SLC4A8: variants seen among roughly 807,000 people sequenced by gnomAD.
SLC4A8 encodes the protein electroneutral sodium bicarbonate exchanger 1.
In SLC4A8, 40 loss-of-function variants were observed where a neutral mutation model predicts 125.0. The ratio of observed to expected loss-of-function variants is 0.32; its 90% CI spans 0.25 to 0.42. The LOEUF is 0.42. Among genes scored for constraint, SLC4A8 ranks in the 10% least tolerant of loss-of-function variants. The pLI is 1.00. For synonymous variants in SLC4A8, 456 were observed against 476.0 expected (o/e 0.96, Z 0.55); for missense variants, 863 against 1,355.1 (o/e 0.64, Z 5.70).
rs1949955622 is a variant in SLC4A8 at position 51,451,157 on chromosome 12, A to G, written c.277+135A>G. On this transcript the variant is annotated intron_variant, in intron 3 of 24. Transcript: ENST00000453097. ...AGGATTTCCAAAGCTTGCTTCTAAG[A>G]AGAAATGCCTCTAAGAGTCAAAAAT... is the stretch of plus-strand genomic sequence containing the variant. The G allele has an allele frequency of 1.1e-5, 9 of 846,690 alleles. No individual in the cohort carries two copies. In the East Asian group the frequency reaches 2.9e-4, roughly 27 times the overall value. The allele number at this position is 846,690 out of a possible 1,614,324, so 52.4% of individuals were successfully genotyped here. A position where few individuals can be genotyped will look rare whatever the true frequency, so the allele number is the denominator to read the frequency against.
At chr12:51,404,918 A>G (rs960535802) in intron 1 of SLC4A8, among the ~76,000 whole-genome samples, 1 of 152,054 alleles carries the variant, frequency 6.6e-6, no homozygotes, top group Non-Finnish European at 1.5e-5. Flanking sequence ...CTTTCAACCA[A>G]AAGAATCTGA....
chr12:51,482,023 G>A (rs1951045490), intron 16 of SLC4A8, among the ~76,000 whole-genome samples: 1 of 152,148 alleles, frequency 6.6e-6, no homozygotes, highest in Non-Finnish European at 1.5e-5. Context: ...CCTGCACAGT[G>A]TCACAGAGAT....
In SLC4A8 at chr12:51,470,434, G is replaced by A. The variant is rs918866738; in HGVS notation, c.1567G>A (p.Ala523Thr). The change falls in exon 13 of 25, where the codon GCT (alanine) becomes ACT (threonine). Residue 523 changes from alanine (A) to threonine (T), a missense_variant. Transcript: ENST00000453097. Reference protein sequence around the residue: ...SLFGASMTGIAYSLFAGQALT... With the variant: ...SLFGASMTGITYSLFAGQALT... The stretch of plus-strand genomic sequence containing the variant: ...GTTTGGAGCTTCCATGACTGGGATT[G>A]CTTATTCCTTGTTTGCGGGACAGGC... 1 of 1,613,850 alleles carries A rather than the reference G, an allele frequency of 6.2e-7. No homozygotes were observed. The highest frequency in any genetic ancestry group is 1.1e-5 in the South Asian group (1 of 91,072).
chr12:51,471,190 G>A, intron 13 of SLC4A8, 97 bp from the exon 14 acceptor site: 1 of 1,168,698 alleles, frequency 8.6e-7, no homozygotes, highest in Non-Finnish European at 1.2e-6. Flanking sequence ...CTGGGTTCCA[G>A]TGCTTGTTTA....
At chr12:51,465,457 A>G (rs1202460523) in intron 11 of SLC4A8, among the ~76,000 whole-genome samples, 1 of 152,206 alleles carries the variant, frequency 6.6e-6, no homozygotes, top group Non-Finnish European at 1.5e-5. Flanking sequence ...GGATCTCAAC[A>G]GTTATAAGAT....
chr12:51,397,272 A>G (rs1346326851), intron 1 of SLC4A8, among the ~76,000 whole-genome samples: 3 of 152,208 alleles, frequency 2.0e-5, no homozygotes, highest in African/African-American at 7.2e-5. Context: ...TCACTTGGTC[A>G]AGGGAAACTG....
Position 51,400,846 on chromosome 12 carries a change from T to G in SLC4A8, c.-112+9358T>G, listed in dbSNP as rs539853918. ...TATATACGTATATAAACATATATGT[T>G]TATATACGTATATAAACATATATAT... On this transcript the variant is annotated intron_variant, in intron 1 of 24. Coordinates refer to the SLC4A8 transcript ENST00000358657. Among the ~76,000 whole-genome samples the G allele has an allele frequency of 1.1e-3, 138 of 126,250 alleles. 1 individual carries two copies. Among genetic ancestry groups the G allele is most frequent in the African/African-American group, 3.7e-3 (117 of 31,274 alleles). The allele number at this position is 126,250 out of a possible 152,430, so 82.8% of individuals were successfully genotyped here. A position where few individuals can be genotyped will look rare whatever the true frequency, so the allele number is the denominator to read the frequency against.
intron 14 of SLC4A8, among the ~76,000 whole-genome samples, chr12:51,473,531 C>T (rs1478128099): frequency 2.0e-5 from 3 of 152,156 alleles, no homozygotes; most frequent in African/African-American, 4.8e-5. Flanking sequence ...TCTAACCTGT[C>T]GAGAGCTTTT....
chr12:51,506,766 G>A (rs960365963), intron 24 of SLC4A8, among the ~76,000 whole-genome samples: 2 of 152,110 alleles, frequency 1.3e-5, no homozygotes, highest in African/African-American at 2.4e-5. Flanking sequence ...ACCAAATACC[G>A]TATATCATTT....
intron 2 of SLC4A8, among the ~76,000 whole-genome samples, chr12:51,445,136 C>T (rs1187126424): frequency 1.3e-5 from 2 of 152,164 alleles, no homozygotes; most frequent in East Asian, 3.8e-4. Flanking sequence ...ACCAGGTCAT[C>T]ATTTTAGAGG....
At chr12:51,465,815 T>C (rs1950494713) in intron 11 of SLC4A8, among the ~76,000 whole-genome samples, 1 of 152,254 alleles carries the variant, frequency 6.6e-6, no homozygotes, top group African/African-American at 2.4e-5. Flanking sequence ...AGGCCAGCTC[T>C]GGCCTCTTTC....
At chr12:51,463,251 CTG>C (rs1301022765) in intron 10 of SLC4A8, among the ~76,000 whole-genome samples, 2 of 152,094 alleles carry the variant, frequency 1.3e-5, no homozygotes, top group African/African-American at 2.4e-5. Context: ...AGGAATAAAA[CTG>C]TCTTCTAGGG....
At chr12:51,498,742 G>A (rs1481724021) in intron 22 of SLC4A8, among the ~76,000 whole-genome samples, 2 of 586 alleles carry the variant, frequency 3.4e-3, no homozygotes, top group African/African-American at 0.014. Context: ...TTAGCTGGGC[G>A]TGGTGGCAGG....
At chr12:51,452,758 G>A (rs543932312) in intron 4 of SLC4A8, among the ~76,000 whole-genome samples, 43 of 152,280 alleles carry the variant, frequency 2.8e-4, no homozygotes, top group African/African-American at 9.6e-4. Flanking sequence ...CAGCCTGACT[G>A]TAGGCTTCCT....
Position 51,462,390 on chromosome 12 carries a change from G to T in SLC4A8, c.1182G>T (p.Thr394=). ...AGIDEFLDQV[T]VLPPGEWDPS... ...TTGATGAGTTCCTAGACCAGGTGAC[G>T]GTGCTCCCTCCAGGAGAGTGGGATC... The change falls in exon 10 of 25, where the codon ACG becomes ACT. Residue 394 remains threonine, a synonymous_variant. Coordinates refer to ENST00000453097, the MANE Select transcript of SLC4A8 (RefSeq NM_001039960.3). 3 of 1,611,962 alleles carry T rather than the reference G, an allele frequency of 1.9e-6. No homozygotes were observed. Among genetic ancestry groups the T allele is most frequent in the South Asian group, 1.1e-5 (1 of 90,484 alleles).
At chr12:51,488,920 T>G in intron 18 of SLC4A8, 60 bp downstream of exon 18, 1 of 1,443,224 alleles carries the variant, frequency 6.9e-7, no homozygotes, top group South Asian at 1.2e-5. Flanking sequence ...TTCGTAAAAT[T>G]TTAGGGTAAG....
At chr12:51,420,105 C>T (rs569483823), upstream of SLC4A8, 1 of 152,252 alleles carries the variant, frequency 6.6e-6, no homozygotes, top group Non-Finnish European at 1.5e-5. Context: ...TCGCCCCTCC[C>T]TTCCACAGGA....
At chr12:51,469,057 G>A (rs1006356737) in intron 11 of SLC4A8, 1 of 152,902 alleles carries the variant, frequency 6.5e-6, no homozygotes, top group African/African-American at 2.4e-5. Context: ...GTCCTGGAGA[G>A]CAGGGCTGTT....
Position 51,440,752 on chromosome 12 carries a change from A to T in SLC4A8, c.93A>T (p.Thr31=). The T allele has an allele frequency of 6.2e-7, 1 of 1,609,168 alleles. No homozygotes were observed. The highest frequency in any genetic ancestry group is 1.1e-5 in the South Asian group (1 of 90,180). Residue 31 remains threonine (T), a synonymous_variant, in exon 2 of 25, where the codon ACA becomes ACT. Coordinates refer to ENST00000453097, the MANE Select transcript of SLC4A8 (RefSeq NM_001039960.3). ...TGGTGGATCAGGGTGGGACCAGTAC[A>T]ATTCTCAACATTCACTATGAAAAAG... ...EAVVDQGGTS[T]ILNIHYEKEE...
Sources: gnomAD v4.1 joint callset for allele counts (sites outside exome capture counted in the v4.1 genomes callset) on GRCh38, gnomAD v4.1.1 for gene constraint, MANE v1.5 for transcripts, NCBI Gene and HGNC (gene_info 2026-07-23, HGNC 2026-07-21) for gene names.